ETNK2: variants seen among roughly 807,000 people sequenced by gnomAD.
ETNK2 encodes ethanolamine kinase-like protein.
Under a neutral mutation model 46.2 loss-of-function variants are expected in ETNK2, and 33 were observed. That is an observed-to-expected ratio of 0.71 (90% CI 0.54 to 0.96). The LOEUF (loss-of-function observed/expected upper bound fraction) is 0.96. Among genes scored for constraint, ETNK2 ranks in the 40% least tolerant of loss-of-function variants. The probability of loss-of-function intolerance (pLI) is 0.00; values close to 1 mark genes in which losing one functional copy is unlikely to be tolerated. For missense variants in ETNK2, 445 were observed against 509.7 expected, an observed-to-expected ratio of 0.87 and a Z score of 1.22; for synonymous variants, 194 against 209.0, an observed-to-expected ratio of 0.93 and a Z score of 0.62.
In ETNK2 at chr1:204,149,626, T is replaced by C. The variant is rs141770072; in HGVS notation, c.518+77A>G. On this transcript the variant is annotated intron_variant, in intron 2 of 7. Transcript: ENST00000367202. ...TCACAGATCTTACAACTCTCCACCA[T>C]GGACCCCACATGCCAAGGATTTCCA... 683 of 1,485,510 alleles carry C rather than the reference T, an allele frequency of 4.6e-4. 2 individuals are homozygous for C. The African/African-American group carries it at 8.2e-3, about 18-fold the overall frequency. The allele number at this position is 1,485,510 out of a possible 1,614,324, so 92.0% of individuals were successfully genotyped here.
In ETNK2 at chr1:204,132,175, G is replaced by A; in HGVS notation, c.*9C>T. On this transcript the variant is annotated 3_prime_UTR_variant, in exon 8 of 8. Transcript: ENST00000367202. ...AGACAGATGGGTAGGGGAGGGATGGGGTGGCTGGTCACTTTGGCATCTCCA... is the reference window on the plus strand; with the variant it reads ...AGACAGATGGGTAGGGGAGGGATGGAGTGGCTGGTCACTTTGGCATCTCCA... 1.3e-6 allele frequency: 2 copies of A among 1,565,120 alleles called. No homozygotes were observed. The highest frequency in any genetic ancestry group is 1.9e-5 in the Admixed American group (1 of 52,738).
At chr1:204,141,943 A>G (rs1334384662) in intron 3 of ETNK2, 3 of 160,698 alleles carry the variant, frequency 1.9e-5, no homozygotes, top group African/African-American at 4.8e-5. Flanking sequence ...GACTCCCACA[A>G]AGATCCTCCC....
rs1392525917 is a variant in ETNK2 at position 204,140,091 on chromosome 1, T to C, written c.812A>G (p.Tyr271Cys). The change falls in exon 5 of 8, where the codon TAT becomes TGT. Residue 271 changes from tyrosine (Y) to cysteine (C), a missense_variant. Tyr to Cys is a radical substitution (Grantham distance 194). Coordinates refer to ENST00000367202, the MANE Select transcript of ETNK2 (RefSeq NM_018208.4). ...KGHVRFIDYE[Y>C]AGYNYQAFDI... ...AAAAGCTTGGTAGTTGTAGCCAGCA[T>C]ATTCATAGTCAATGAACCGCACGTG... 2 of 1,613,806 alleles carry C rather than the reference T, an allele frequency of 1.2e-6. No individual in the cohort carries two copies. Among genetic ancestry groups the C allele is most frequent in the Non-Finnish European group, 1.7e-6 (2 of 1,179,864 alleles).
rs1455600090 is a variant in ETNK2, at chr1:204,138,477, C to G, written c.869-1228G>C. ...CAGGGGGCCTTGCAGCCAAGCATTCCCGGACCCAGGGCCCTGCCAGTGCCA... is the reference window on the plus strand; with the variant it reads ...CAGGGGGCCTTGCAGCCAAGCATTCGCGGACCCAGGGCCCTGCCAGTGCCA... On this transcript the variant is annotated intron_variant, in intron 5 of 7. Coordinates refer to ENST00000367202, the MANE Select transcript of ETNK2 (RefSeq NM_018208.4). 2.0e-5 allele frequency: 3 copies of G among 152,574 alleles called. No individual in the cohort carries two copies. In the East Asian group the frequency reaches 5.8e-4, roughly 29 times the overall value. 9.5% of individuals were successfully genotyped at this position (152,574 alleles called of 1,614,324 possible).
rs1321603953 is a variant in ETNK2, at chr1:204,141,268, C to A, written c.784+47G>T. 5.0e-6 allele frequency: 8 copies of A among 1,613,078 alleles called. No individual in the cohort carries two copies. In the South Asian group the frequency reaches 6.6e-5, roughly 13 times the overall value. On this transcript the variant is annotated intron_variant, in intron 4 of 7. Coordinates refer to ENST00000367202, the MANE Select transcript of ETNK2 (RefSeq NM_018208.4). ...GAACAGCTCCGTGAAGCCAGCTAAC[C>A]AACCAACCAAAACCCTGCTGCTGCC...
chr1:204,147,654 A>G (rs913190428), intron 2 of ETNK2: 20 of 480,392 alleles, frequency 4.2e-5, no homozygotes, highest in Admixed American at 4.1e-4. Context: ...GGGAAAGACA[A>G]CAAAGGCCTT....
chr1:204,149,749 C>T lies in ETNK2; in HGVS notation c.472G>A (p.Gly158Ser). The T allele has an allele frequency of 6.2e-7, 1 of 1,603,268 alleles. No individual in the cohort carries two copies. The highest frequency in any genetic ancestry group is 8.5e-7 in the Non-Finnish European group (1 of 1,175,346). Residue 158 changes from glycine (G) to serine (S), a missense_variant, in exon 2 of 8, where the codon GGT (glycine) becomes AGT (serine). Transcript: ENST00000367202. The stretch of plus-strand genomic sequence containing the variant: ...ATGTGCTCAGGCTCCAGGGCCACAC[C>T]CTGCATGTACTCATAGCACAGCCCA... ...QNGLCYEYMQ[G>S]VALEPEHIRE...
rs1553300914 is a variant in ETNK2, at chr1:204,133,537, T to TTATTTA, written c.1088+977_1088+978insTAAATA. On this transcript the variant is annotated intron_variant, in intron 7 of 7. Transcript: ENST00000367202. ...TCATTTCATTTTATTTTATTTTATT[T>TTATTTA]TTTTTTTTTTTTGAGACGGAGTCTC... Among the ~76,000 whole-genome samples, 677 of 141,680 alleles carry TTATTTA rather than the reference T, an allele frequency of 4.8e-3. 6 individuals are homozygous for TTATTTA. The highest frequency in any genetic ancestry group is 0.017 in the African/African-American group (629 of 36,992). The allele number at this position is 141,680 out of a possible 152,430, so 92.9% of individuals were successfully genotyped here.
At chr1:204,148,092 G>T (rs987237524) in intron 2 of ETNK2, among the ~76,000 whole-genome samples, 1 of 152,176 alleles carries the variant, frequency 6.6e-6, no homozygotes, top group Non-Finnish European at 1.5e-5. Flanking sequence ...GCAGGCTGAG[G>T]TTGGGGGTGG....
At chr1:204,146,938 A>G (rs769842555) in intron 2 of ETNK2, 174 bp from the exon 3 acceptor site, 2 of 784,064 alleles carry the variant, frequency 2.6e-6, no homozygotes, top group Non-Finnish European at 2.2e-6. Flanking sequence ...GGAAGGTCTC[A>G]GCAGAAGAGA....
At position 204,149,837 on chromosome 1, in the gene ETNK2, G is replaced by C; in HGVS notation, c.384C>G (p.Val128=). 1 of 1,605,960 alleles carries C rather than the reference G, an allele frequency of 6.2e-7. No homozygotes were observed. Among genetic ancestry groups the C allele is most frequent in the Admixed American group, 1.7e-5 (1 of 59,026 alleles). ...GTGCTCGCAGCAGCTGGAAGTTTCT[G>C]ACCTCATTCTCCCGGTCCACCAGCA... ...TELLVDRENE[V]RNFQLLRAHS... is the part of the protein sequence containing the mutation. The change falls in exon 2 of 8, where the codon GTC becomes GTG. Residue 128 remains valine, a synonymous_variant. Coordinates refer to ENST00000367202, the MANE Select transcript of ETNK2 (RefSeq NM_018208.4).
chr1:204,137,373 C>A, intron 5 of ETNK2, 124 bp from the exon 6 acceptor site: 1 of 1,286,390 alleles, frequency 7.8e-7, no homozygotes, highest in Non-Finnish European at 1.0e-6. Context: ...GGGCTGTGCC[C>A]AAGGAGGCGG....
chr1:204,135,245 A>G (rs1465150947), intron 6 of ETNK2, among the ~76,000 whole-genome samples: 2 of 152,134 alleles, frequency 1.3e-5, no homozygotes, highest in Non-Finnish European at 2.9e-5. Context: ...GGTACCCACC[A>G]GGCCCAGGTC....
chr1:204,147,721 C>A, intron 2 of ETNK2: 1 of 370,208 alleles, frequency 2.7e-6, no homozygotes, highest in East Asian at 7.3e-5. Flanking sequence ...TCTTGCCAGG[C>A]CCTGGAAAGA....
rs1308183349 is a variant in ETNK2 at position 204,149,989 on chromosome 1, G to A, written c.259-27C>T. ...TAGCATGGGGAGAGGACAGTGCGTG[G>A]GTGGGTGGGTGGGGCAGGATCTCTC... On this transcript the variant is annotated intron_variant, in intron 1 of 7. Coordinates refer to ENST00000367202, the MANE Select transcript of ETNK2 (RefSeq NM_018208.4). 10 of 1,072,126 alleles carry A rather than the reference G, an allele frequency of 9.3e-6. 1 individual carries two copies. Among genetic ancestry groups the A allele is most frequent in the Middle Eastern group, 3.3e-4 (1 of 3,014 alleles). 66.4% of individuals were successfully genotyped at this position (1,072,126 alleles called of 1,614,324 possible). A position where few individuals can be genotyped will look rare whatever the true frequency, so the allele number is the denominator to read the frequency against.
intron 1 of ETNK2, 37 bp from the exon 2 acceptor site, chr1:204,149,999 T>C (rs904227084): frequency 3.3e-5 from 2 of 59,900 alleles, no homozygotes; most frequent in Non-Finnish European, 6.0e-5. Flanking sequence ...GGTGGGTGGG[T>C]GGGGCAGGAT....
chr1:204,148,572 ACAC>A (rs1657882287), intron 2 of ETNK2, among the ~76,000 whole-genome samples: 1 of 2,492 alleles, frequency 4.0e-4, no homozygotes, highest in African/African-American at 2.7e-3. Context: ...CCCTCAAGAC[ACAC>A]ACACACACAC....
At chr1:204,141,564 G>C in intron 3 of ETNK2, 107 bp from the exon 4 acceptor site, 1 of 1,301,180 alleles carries the variant, frequency 7.7e-7, no homozygotes, top group South Asian at 1.5e-5. Flanking sequence ...TCTTACTGCA[G>C]GGGGCCTTGG....
rs1558234166 is a variant in ETNK2 at position 204,141,403 on chromosome 1, C to G, written c.696G>C (p.Leu232=). ...VEVLERELAW[L]KEHLSQLESP... is the part of the protein sequence containing the mutation. ...ACTCCAGCTGGGACAGATGCTCCTT[C>G]AGCCAGGCCAGCTCCCGTTCCAACA... is the stretch of plus-strand genomic sequence containing the variant. The change falls in exon 4 of 8, where the codon CTG becomes CTC. Residue 232 remains leucine (L), a synonymous_variant. Coordinates refer to ENST00000367202, the MANE Select transcript of ETNK2 (RefSeq NM_018208.4). 4 of 1,612,816 alleles carry G rather than the reference C, an allele frequency of 2.5e-6. No individual in the cohort carries two copies. The highest frequency in any genetic ancestry group is 3.4e-6 in the Non-Finnish European group (4 of 1,179,396).
Sources: gnomAD v4.1 joint callset for allele counts (sites outside exome capture counted in the v4.1 genomes callset) on GRCh38, gnomAD v4.1.1 for gene constraint, MANE v1.5 for transcripts, NCBI Gene and HGNC (gene_info 2026-07-23, HGNC 2026-07-21) for gene names.